Variants in EYA3 observed in about 807,000 individuals in gnomAD.
EYA3 encodes EYA transcriptional coactivator and phosphatase 3.
In EYA3, 39 loss-of-function variants were observed where a neutral mutation model predicts 80.0. The ratio of observed to expected loss-of-function variants is 0.49; its 90% CI spans 0.38 to 0.64. EYA3 has a LOEUF of 0.64. Ranked by LOEUF, EYA3 falls within the 30% of genes least tolerant of loss-of-function variation. EYA3 has a pLI of 0.00. For synonymous variants in EYA3, 206 were observed against 232.8 expected (o/e 0.88, Z 1.05); for missense variants, 523 against 676.1 (o/e 0.77, Z 2.51).
At chr1:28,033,264 C>T (rs1159173195) in intron 6 of EYA3, among the ~76,000 whole-genome samples, 1 of 152,044 alleles carries the variant, frequency 6.6e-6, no homozygotes, top group African/African-American at 2.4e-5. Context: ...CCAAAAAAAG[C>T]CACATGATAA....
intron 5 of EYA3, among the ~76,000 whole-genome samples, chr1:28,036,417 A>G (rs1643457550): frequency 6.6e-6 from 1 of 152,214 alleles, no homozygotes; most frequent in African/African-American, 2.4e-5. Context: ...ACCAAACTAA[A>G]GTTCTGAGAG....
At chr1:28,082,723 A>G (rs1645474343) in intron 1 of EYA3, among the ~76,000 whole-genome samples, 1 of 152,212 alleles carries the variant, frequency 6.6e-6, no homozygotes, top group African/African-American at 2.4e-5. Flanking sequence ...AGATTTAAGT[A>G]TTTTAAGACT....
chr1:28,087,327 CA>C (rs1645691208), intron 1 of EYA3, among the ~76,000 whole-genome samples: 1 of 149,860 alleles, frequency 6.7e-6, no homozygotes, highest in South Asian at 2.1e-4. Context: ...AGTTTTACTA[CA>C]AAGGTGGAAA....
intron 1 of EYA3, among the ~76,000 whole-genome samples, chr1:28,061,452 A>G (rs747414870): frequency 1.2e-4 from 18 of 152,218 alleles, no homozygotes; most frequent in Non-Finnish European, 2.5e-4. Flanking sequence ...TATACAATCA[A>G]AAGTCATACT....
chr1:28,004,458 A>G (rs775396985), intron 10 of EYA3, 39 bp from the exon 11 acceptor site: 1 of 1,452,420 alleles, frequency 6.9e-7, no homozygotes, highest in Admixed American at 1.7e-5. Context: ...ATATTTTCCA[A>G]TTACAATGGA....
At chr1:28,017,961 G>A (rs551504979) in intron 7 of EYA3, among the ~76,000 whole-genome samples, 11 of 152,210 alleles carry the variant, frequency 7.2e-5, no homozygotes, top group East Asian at 3.9e-4. Context: ...TTCGGAGGCC[G>A]AGGCAGGCAG....
At chr1:27,985,417 G>A (rs1424130995) in intron 16 of EYA3, among the ~76,000 whole-genome samples, 1 of 152,006 alleles carries the variant, frequency 6.6e-6, no homozygotes, top group African/African-American at 2.4e-5. Flanking sequence ...ATTAGAAGGA[G>A]TTGATCACTC....
At chr1:28,002,980 G>A (rs977756239) in intron 11 of EYA3, among the ~76,000 whole-genome samples, 1 of 151,634 alleles carries the variant, frequency 6.6e-6, no homozygotes, top group Non-Finnish European at 1.5e-5. Context: ...ATTAGGGCTG[G>A]GCGCAGTGGC....
chr1:28,009,282 T>C lies in EYA3; in HGVS notation c.909+1665A>G, dbSNP rs1641517736. 6.6e-6 allele frequency among the ~76,000 whole-genome samples: 1 copy of C among 152,198 alleles called. No individual in the cohort carries two copies. The highest frequency in any genetic ancestry group is 2.1e-4 in the South Asian group (1 of 4,834). ...ATGAATGGATAAACAAAATGTGGTA[T>C]ATACATATAATAAAATATTCAGACA... On this transcript the variant is annotated intron_variant, in intron 10 of 17. Coordinates refer to ENST00000373871, the MANE Select transcript of EYA3 (RefSeq NM_001990.4). This position sits in a 1 kb window ranked among gnomAD's most constrained non-coding sequence, Gnocchi z 4.8.
chr1:28,070,362 C>A (rs977863324), intron 1 of EYA3, among the ~76,000 whole-genome samples: 2 of 152,028 alleles, frequency 1.3e-5, no homozygotes, highest in Non-Finnish European at 2.9e-5. Flanking sequence ...GAAATCGAGA[C>A]CAGCCTGGCC....
At chr1:28,073,127 A>ATATTTTT (rs1553157671) in intron 1 of EYA3, among the ~76,000 whole-genome samples, 1 of 15,000 alleles carries the variant, frequency 6.7e-5, no homozygotes, top group Non-Finnish European at 1.1e-4. Context: ...ATATATATAT[A>ATATTTTT]TTTTTTTTTT....
At position 27,974,297 on chromosome 1, in the gene EYA3, GAGA is replaced by G; in HGVS notation, c.*166_*168del. 1 of 468,374 alleles carries G rather than the reference GAGA, an allele frequency of 2.1e-6. No individual in the cohort carries two copies. The highest frequency in any genetic ancestry group is 2.0e-5 in the African/African-American group (1 of 51,036). The allele number at this position is 468,374 out of a possible 1,614,324, so 29.0% of individuals were successfully genotyped here. Reference sequence around the variant, plus strand: ...AGAGAGAGAGGCAGAGAGGGAGGGAGAGAGGAAGGGAGGGAGGGAGAGAGGGAG... The same window carrying G: ...AGAGAGAGAGGCAGAGAGGGAGGGAGGGAAGGGAGGGAGGGAGAGAGGGAG... On this transcript the variant is annotated 3_prime_UTR_variant, in exon 18 of 18. Coordinates refer to ENST00000373871, the MANE Select transcript of EYA3 (RefSeq NM_001990.4).
intron 1 of EYA3, among the ~76,000 whole-genome samples, chr1:28,083,678 T>C (rs1242218241): frequency 2.0e-5 from 3 of 152,230 alleles, no homozygotes; most frequent in African/African-American, 7.2e-5. Context: ...CATGGTTCAG[T>C]TGTGAAAGTT....
At chr1:28,059,715 A>ATTTTTT (rs1224157714) in intron 1 of EYA3, among the ~76,000 whole-genome samples, 4 of 113,620 alleles carry the variant, frequency 3.5e-5, no homozygotes, top group Non-Finnish European at 7.1e-5. Flanking sequence ...CATTTGTTGG[A>ATTTTTT]TTTTTTTTTT....
intron 1 of EYA3, among the ~76,000 whole-genome samples, chr1:28,073,617 G>A (rs1219602088): frequency 1.3e-5 from 2 of 151,922 alleles, no homozygotes; most frequent in African/African-American, 4.8e-5. Flanking sequence ...TGTATTTTTA[G>A]TAGAAATGGG....
intron 10 of EYA3, among the ~76,000 whole-genome samples, chr1:28,006,694 T>C (rs993271590): frequency 1.3e-5 from 2 of 151,904 alleles, no homozygotes; most frequent in East Asian, 1.9e-4. Context: ...TGACAGAGCA[T>C]GACTCCATCT....
intron 1 of EYA3, among the ~76,000 whole-genome samples, chr1:28,083,250 G>A (rs1228943420): frequency 2.0e-5 from 3 of 152,118 alleles, no homozygotes; most frequent in Non-Finnish European, 2.9e-5. Flanking sequence ...GGCTGGGCAC[G>A]GTGGCTCACG....
chr1:28,023,250 T>C (rs1335089440), intron 7 of EYA3, among the ~76,000 whole-genome samples: 1 of 152,096 alleles, frequency 6.6e-6, no homozygotes, highest in Non-Finnish European at 1.5e-5. Context: ...AAAAAATGAC[T>C]GAATAAATCA....
chr1:28,063,373 T>TC (rs36063647), intron 1 of EYA3, among the ~76,000 whole-genome samples: 8 of 146,942 alleles, frequency 5.4e-5, no homozygotes, highest in Non-Finnish European at 9.0e-5. Context: ...TTTTTTTTTT[T>TC]GGAGACAGCA....
Sources: gnomAD v4.1 joint callset for allele counts (sites outside exome capture counted in the v4.1 genomes callset) on GRCh38, gnomAD v4.1.1 for gene constraint, Gnocchi (gnomAD v3.1) non-coding constraint, MANE v1.5 for transcripts, NCBI Gene and HGNC (gene_info 2026-07-23, HGNC 2026-07-21) for gene names.